Variants in ANGEL2 observed in about 807,000 individuals in gnomAD.
ANGEL2 encodes the protein RNA 2',3'-cyclic phosphatase ANGEL2.
In ANGEL2, 41 loss-of-function variants were observed where a neutral mutation model predicts 66.0. The ratio of observed to expected loss-of-function variants is 0.62; its 90% CI spans 0.48 to 0.81. ANGEL2 has a LOEUF of 0.81. Ranked by LOEUF, ANGEL2 falls within the 30% of genes least tolerant of loss-of-function variation. The pLI, the probability that ANGEL2 is intolerant of heterozygous loss-of-function variation, is 0.00. For missense variants in ANGEL2, 561 were observed against 641.6 expected, an observed-to-expected ratio of 0.87 and a Z score of 1.36; for synonymous variants, 208 against 226.5, an observed-to-expected ratio of 0.92 and a Z score of 0.73.
At position 212,993,483 on chromosome 1, in the gene ANGEL2, CTAT is replaced by C. The variant is rs1358915194; in HGVS notation, c.*1555_*1557del. ...TTTAGTACAAAGACTTAGTCCAAGA[CTAT>C]TATTGTTTTCCAATTTAAGGTGAAG... is the stretch of plus-strand genomic sequence containing the variant. On this transcript the variant is annotated 3_prime_UTR_variant, in exon 9 of 9. Transcript: ENST00000366962. 1 of 152,006 alleles carries C rather than the reference CTAT, an allele frequency of 6.6e-6. No homozygotes were observed. The highest frequency in any genetic ancestry group is 1.5e-5 in the Non-Finnish European group (1 of 68,014). 9.4% of individuals were successfully genotyped at this position (152,006 alleles called of 1,614,324 possible). A position where few individuals can be genotyped will look rare whatever the true frequency, so the allele number is the denominator to read the frequency against.
In ANGEL2 at chr1:213,005,902, T is replaced by C. The variant is rs2076311956; in HGVS notation, c.713-448A>G. On this transcript the variant is annotated intron_variant, in intron 4 of 8. Coordinates refer to ENST00000366962, the MANE Select transcript of ANGEL2 (RefSeq NM_144567.5). ...CCTAGAATGTTCTAGGCATCGCTTA[T>C]TCCTTCACCTCCTTCAAATATTTGT... Among the ~76,000 whole-genome samples, 3 of 152,174 alleles carry C rather than the reference T, an allele frequency of 2.0e-5. No individual in the cohort carries two copies. In the South Asian group the frequency reaches 6.2e-4, roughly 31 times the overall value.
At chr1:212,996,640 A>AAAAAATATAT (rs56102625) in intron 8 of ANGEL2, among the ~76,000 whole-genome samples, 3 of 66,482 alleles carry the variant, frequency 4.5e-5, no homozygotes, top group African/African-American at 6.9e-5. Context: ...AAAAAAAAAA[A>AAAAAATATAT]ATATATATAT....
Position 212,997,146 on chromosome 1 carries a change from A to G in ANGEL2, c.1483+9T>C, listed in dbSNP as rs779568736. On this transcript the variant is annotated intron_variant, in intron 8 of 8. Coordinates refer to ENST00000366962, the MANE Select transcript of ANGEL2 (RefSeq NM_144567.5). ...TCTAGGAGAATTTAAGATTACATGC[A>G]TTCCTTACCTGGGTGCCCAGCAACA... 6.2e-7 allele frequency: 1 copy of G among 1,610,202 alleles called. No homozygotes were observed. The highest frequency in any genetic ancestry group is 1.1e-5 in the South Asian group (1 of 90,792).
chr1:213,007,834 T>C (rs1479955326), intron 3 of ANGEL2, among the ~76,000 whole-genome samples: 1 of 151,728 alleles, frequency 6.6e-6, no homozygotes, highest in African/African-American at 2.4e-5. Context: ...AATGCACAAA[T>C]GAAACATTTA....
At chr1:212,997,374 C>T in intron 7 of ANGEL2, 56 bp from the exon 8 acceptor site, 2 of 1,471,278 alleles carry the variant, frequency 1.4e-6, no homozygotes, top group Non-Finnish European at 1.9e-6. Context: ...TCAAGAATTC[C>T]TCCTATCTGA....
At position 213,000,331 on chromosome 1, in the gene ANGEL2, A is replaced by T; in HGVS notation, c.1314T>A (p.Ala438=). 1 of 1,613,592 alleles carries T rather than the reference A, an allele frequency of 6.2e-7. No individual in the cohort carries two copies. Among genetic ancestry groups the T allele is most frequent in the Non-Finnish European group, 8.5e-7 (1 of 1,179,510 alleles). The change falls in exon 7 of 9, where the codon GCT becomes GCA. Residue 438 remains alanine (A), a synonymous_variant. Coordinates refer to ENST00000366962, the MANE Select transcript of ANGEL2 (RefSeq NM_144567.5). ...QLKQTEVLVT[A]EKLSSNLQHH... ...TTTTGCTTTCCAGAACTCACTTTTC[A>T]GCTGTCACTAGGACCTCTGTTTGCT...
At position 213,005,287 on chromosome 1, in the gene ANGEL2, G is replaced by T. The variant is rs763259803; in HGVS notation, c.880C>A (p.Pro294Thr). The change falls in exon 5 of 9, where the codon CCC (proline) becomes ACC (threonine). Residue 294 changes from proline to threonine, a missense_variant. By Grantham distance (38) the Pro-to-Thr change is conservative. Transcript: ENST00000366962. ...GGGCAGGCAGCATATGGAATTTTGG[G>T]CTGTAAGAGTAAAACTAATCCAACA... ...DNVGLVLLLQPKIPYAACPAI... is the reference protein window; with the variant it reads ...DNVGLVLLLQTKIPYAACPAI... 2 of 1,614,104 alleles carry T rather than the reference G, an allele frequency of 1.2e-6. No individual in the cohort carries two copies. Among genetic ancestry groups the T allele is most frequent in the Non-Finnish European group, 1.7e-6 (2 of 1,180,050 alleles).
At position 213,011,887 on chromosome 1, in the gene ANGEL2, T is replaced by A. The variant is rs184591595; in HGVS notation, c.385+1206A>T. ...CTGGTATCATCATACTGCCCTATATTTATAGATCTTAGGATTGTTCTTAGA... is the reference window on the plus strand; with the variant it reads ...CTGGTATCATCATACTGCCCTATATATATAGATCTTAGGATTGTTCTTAGA... On this transcript the variant is annotated intron_variant, in intron 2 of 8. Coordinates refer to ENST00000366962, the MANE Select transcript of ANGEL2 (RefSeq NM_144567.5). 5.4e-3 allele frequency among the ~76,000 whole-genome samples: 825 copies of A among 152,308 alleles called. 9 individuals carry two copies. The highest frequency in any genetic ancestry group is 0.017 in the African/African-American group (705 of 41,568).
At chr1:213,004,915 T>TA (rs2076280191) in intron 5 of ANGEL2, 118 bp downstream of exon 5, 3 of 453,088 alleles carry the variant, frequency 6.6e-6, no homozygotes, top group Non-Finnish European at 1.0e-5. Flanking sequence ...CATAGTTTGA[T>TA]AAAGTGAGGG....
chr1:213,004,975 A>G (rs1251123588), intron 5 of ANGEL2, 58 bp downstream of exon 5: 3 of 1,371,770 alleles, frequency 2.2e-6, no homozygotes, highest in Non-Finnish European at 2.9e-6. Flanking sequence ...CTATCTTCAC[A>G]TTATCATGAG....
At chr1:213,000,976 T>C in intron 5 of ANGEL2, 64 bp from the exon 6 acceptor site, 1 of 1,497,690 alleles carries the variant, frequency 6.7e-7, no homozygotes, top group Non-Finnish European at 9.0e-7. Flanking sequence ...AGTTGAAAAA[T>C]TTATGTCTTA....
chr1:213,012,377 T>C (rs76471232), intron 2 of ANGEL2, among the ~76,000 whole-genome samples: 5,629 of 152,302 alleles, frequency 0.037, 151 homozygotes, highest in Admixed American at 0.055. Context: ...ACCTCACTTA[T>C]ACTTTCAGGA....
rs1372303795 is a variant in ANGEL2, at chr1:213,005,034, T to A, written c.1133A>T (p.Lys378Met). Residue 378 changes from lysine (K) to methionine (M), a missense_variant and splice_region_variant, in exon 5 of 9, where the codon AAG becomes ATG. Coordinates refer to ENST00000366962, the MANE Select transcript of ANGEL2 (RefSeq NM_144567.5). ...AATAACAATGAAGAAAGCACTTACC[T>A]TTCCTATGGGAAGTCCTTCATAATT... ...KLNYEGLPIG[K>M]VSGQEQSSRG... The A allele has an allele frequency of 1.9e-6, 3 of 1,544,300 alleles. No homozygotes were observed. The highest frequency in any genetic ancestry group is 1.7e-6 in the Non-Finnish European group (2 of 1,152,368).
intron 7 of ANGEL2, among the ~76,000 whole-genome samples, chr1:212,997,928 T>C (rs2076071454): frequency 1.3e-5 from 2 of 152,148 alleles, no homozygotes; most frequent in African/African-American, 4.8e-5. Flanking sequence ...AACAAACATT[T>C]ACCAAACATC....
At chr1:213,006,980 G>C (rs1422443657) in intron 4 of ANGEL2, 149 bp downstream of exon 4, 1 of 636,662 alleles carries the variant, frequency 1.6e-6, no homozygotes, top group South Asian at 2.2e-5. Context: ...TCTAGTCCCA[G>C]CTACTCAGGA....
chr1:213,007,242 T>A (rs377436754), intron 3 of ANGEL2, 44 bp from the exon 4 acceptor site: 2 of 1,380,622 alleles, frequency 1.4e-6, no homozygotes, highest in African/African-American at 3.0e-5. Context: ...AGAGATGCAA[T>A]CATGAATTTC....
intron 3 of ANGEL2, 133 bp from the exon 4 acceptor site, chr1:213,007,331 C>T (rs1187359033): frequency 2.9e-6 from 2 of 698,670 alleles, no homozygotes; most frequent in East Asian, 2.8e-5. Flanking sequence ...AAAAGACTTA[C>T]CTGTTTTTCT....
In ANGEL2 at chr1:213,001,719, T is replaced by C. The variant is rs981054810; in HGVS notation, c.1135-807A>G. The C allele has an allele frequency of 4.6e-5, 7 of 152,174 alleles. No homozygotes were observed. The East Asian group carries it at 1.3e-3, about 29-fold the overall frequency. The allele number at this position is 152,174 out of a possible 1,614,324, so 9.4% of individuals were successfully genotyped here. On this transcript the variant is annotated intron_variant, in intron 5 of 8. Transcript: ENST00000366962. ...CTTCCAATGTTTTATCAATTAAATT[T>C]ATGTAACATTTAAAATCCTTTGTTG...
chr1:213,013,315 TAC>T lies in ANGEL2; in HGVS notation c.161_162del (p.Cys54TyrfsTer17), dbSNP rs781705969. On this transcript the variant is annotated frameshift_variant, in exon 2 of 9. Transcript: ENST00000366962. LOFTEE classifies it high-confidence loss of function. ...CGAGAGTAATGTCCAGGCCACCTCA[TAC>T]AACTAGAAATATGTCTGTTCCAGCA... ...RCCWNRHISS[C>X]MRWPGHYSRA... 11 of 1,614,204 alleles carry T rather than the reference TAC, an allele frequency of 6.8e-6. No individual in the cohort carries two copies. The African/African-American group carries it at 1.5e-4, about 22-fold the overall frequency.
Sources: allele counts gnomAD v4.1 joint callset (sites outside exome capture counted in the v4.1 genomes callset), GRCh38; gene constraint gnomAD v4.1.1; transcripts MANE v1.5; gene names NCBI Gene and HGNC (gene_info 2026-07-23, HGNC 2026-07-21).